SLC30A6: variants seen among roughly 807,000 people sequenced by gnomAD.
The protein encoded by SLC30A6 is solute carrier family 30 member 6.
A neutral mutation model predicts 63.0 loss-of-function variants in SLC30A6; 55 were observed. That is an observed-to-expected ratio of 0.87 (90% CI 0.70 to 1.09). The LOEUF is 1.09. Ranked by LOEUF, SLC30A6 falls within the 50% of genes least tolerant of loss-of-function variation. The pLI, the probability that SLC30A6 is intolerant of heterozygous loss-of-function variation, is 0.00. For synonymous variants in SLC30A6, 224 were observed against 186.1 expected (o/e 1.20, Z -1.66); for missense variants, 587 against 549.2 (o/e 1.07, Z -0.69).
chr2:32,204,992 T>G (rs575921345), intron 11 of SLC30A6, among the ~76,000 whole-genome samples: 2 of 152,118 alleles, frequency 1.3e-5, no homozygotes, highest in East Asian at 3.9e-4. Flanking sequence ...TTAAAAATAT[T>G]TGTAGAGATG....
At chr2:32,200,782 G>A (rs1197635744) in intron 10 of SLC30A6, among the ~76,000 whole-genome samples, 1 of 151,804 alleles carries the variant, frequency 6.6e-6, no homozygotes. Flanking sequence ...CTGTTGTCCT[G>A]TGACCCTGCC....
chr2:32,168,353 A>T (rs1680873327), intron 1 of SLC30A6, among the ~76,000 whole-genome samples: 1 of 150,792 alleles, frequency 6.6e-6, no homozygotes, highest in Non-Finnish European at 1.5e-5. Flanking sequence ...TTAAAATAAA[A>T]TATTGAGAAA....
At chr2:32,178,695 C>G (rs752039604) in intron 4 of SLC30A6, among the ~76,000 whole-genome samples, 1 of 152,062 alleles carries the variant, frequency 6.6e-6, no homozygotes, top group East Asian at 1.9e-4. Context: ...AAAACAACAA[C>G]AACAAACACC....
intron 1 of SLC30A6, 123 bp downstream of exon 1, chr2:32,166,026 C>T (rs746006083): frequency 2.0e-5 from 29 of 1,425,362 alleles, no homozygotes; most frequent in Non-Finnish European, 2.5e-5. Context: ...TGAAGTCGGG[C>T]CCCTTGGCAG....
chr2:32,221,484 A>G lies in SLC30A6; in HGVS notation c.*771A>G, dbSNP rs184318576. The stretch of plus-strand genomic sequence containing the variant: ...ATATTTTCTTTAATGAAATTTATAA[A>G]TATGCTTCTTGAATAATACACATTT... On this transcript the variant is annotated 3_prime_UTR_variant, in exon 14 of 14. Transcript: ENST00000282587. 1.3e-4 allele frequency: 20 copies of G among 152,292 alleles called. No homozygotes were observed. The highest frequency in any genetic ancestry group is 4.8e-4 in the African/African-American group (20 of 41,558). 9.4% of individuals were successfully genotyped at this position (152,292 alleles called of 1,614,324 possible).
intron 4 of SLC30A6, among the ~76,000 whole-genome samples, chr2:32,178,186 A>G (rs1467579268): frequency 6.7e-6 from 1 of 150,198 alleles, no homozygotes; most frequent in Non-Finnish European, 1.5e-5. Context: ...TGACCTTGTG[A>G]TCCGCCCGCC....
At chr2:32,174,474 T>A (rs1681531249) in intron 3 of SLC30A6, among the ~76,000 whole-genome samples, 1 of 151,696 alleles carries the variant, frequency 6.6e-6, no homozygotes, top group Non-Finnish European at 1.5e-5. Context: ...ATTACAGGCG[T>A]AAGCCACAAT....
chr2:32,176,427 G>A (rs1681745183), intron 4 of SLC30A6, among the ~76,000 whole-genome samples: 1 of 152,060 alleles, frequency 6.6e-6, no homozygotes, highest in African/African-American at 2.4e-5. Flanking sequence ...GGGAAGCTGA[G>A]GAGGGTGGAT....
intron 5 of SLC30A6, among the ~76,000 whole-genome samples, chr2:32,188,758 A>C (rs1002981198): frequency 6.6e-6 from 1 of 152,188 alleles, no homozygotes; most frequent in South Asian, 2.1e-4. Flanking sequence ...AATTTGATGA[A>C]TTTTAAGAAA....
chr2:32,187,503 A>G (rs953131794), intron 5 of SLC30A6, among the ~76,000 whole-genome samples: 1 of 152,206 alleles, frequency 6.6e-6, no homozygotes. Flanking sequence ...TGAACAGGAA[A>G]GAAAGGAGCA....
Position 32,165,907 on chromosome 2 carries a change from A to C in SLC30A6, c.3+4A>C, listed in dbSNP as rs1440256707. On this transcript the variant is annotated splice_donor_region_variant and intron_variant, in intron 1 of 13. Transcript: ENST00000282587. Reference sequence around the variant, plus strand: ...AGCTGTGCAGCTCCTTATCATGGTGAGTTGGCTGTTGGGGTGAGGGTTTCG... The same window carrying C: ...AGCTGTGCAGCTCCTTATCATGGTGCGTTGGCTGTTGGGGTGAGGGTTTCG... The C allele has an allele frequency of 1.9e-6, 3 of 1,614,080 alleles. No homozygotes were observed. Among genetic ancestry groups the C allele is most frequent in the Non-Finnish European group, 2.5e-6 (3 of 1,179,980 alleles).
At chr2:32,195,142 C>G (rs1335849573) in intron 8 of SLC30A6, among the ~76,000 whole-genome samples, 2 of 149,806 alleles carry the variant, frequency 1.3e-5, no homozygotes, top group South Asian at 2.1e-4. Flanking sequence ...CTCTCTTGCC[C>G]AGGCTGGAGT....
chr2:32,197,506 G>T (rs1683901023), intron 9 of SLC30A6, 114 bp downstream of exon 9: 3 of 1,246,154 alleles, frequency 2.4e-6, no homozygotes, highest in Admixed American at 4.0e-5. Context: ...AATCACACAG[G>T]TCAGATTGTT....
Position 32,193,901 on chromosome 2 carries a change from A to G in SLC30A6, c.414A>G (p.Leu138=). The change falls in exon 8 of 14, where the codon TTA becomes TTG. Residue 138 remains leucine, a synonymous_variant. Transcript: ENST00000282587. ...EQPEIHTGRL[L]VGTFVALCFN... is the part of the protein sequence containing the mutation. ...TTGTTCTTTTTAGGGGAAGATTATT[A>G]GTTGGTACTTTTGTGGCTCTTTGTT... 1 of 1,612,916 alleles carries G rather than the reference A, an allele frequency of 6.2e-7. No homozygotes were observed. Among genetic ancestry groups the G allele is most frequent in the Non-Finnish European group, 8.5e-7 (1 of 1,179,186 alleles).
At chr2:32,171,534 G>A (rs1681212639) in intron 2 of SLC30A6, among the ~76,000 whole-genome samples, 161 bp downstream of exon 2, 1 of 152,220 alleles carries the variant, frequency 6.6e-6, no homozygotes, top group East Asian at 1.9e-4. Context: ...AATTGCAGTT[G>A]TTTGGTGTTA....
rs1350453314 is a variant in SLC30A6 at position 32,203,743 on chromosome 2, C to T, written c.666-847C>T. Reference sequence around the variant, plus strand: ...GTCAGAAAGGTTACAGGCAGAGTGGCATGATTCCGACTGGATATTCTCAGT... The same window carrying T: ...GTCAGAAAGGTTACAGGCAGAGTGGTATGATTCCGACTGGATATTCTCAGT... On this transcript the variant is annotated intron_variant, in intron 10 of 13. Transcript: ENST00000282587. 2.2e-5 allele frequency: 34 copies of T among 1,519,252 alleles called. No homozygotes were observed. In the East Asian group the frequency reaches 6.3e-4, roughly 28 times the overall value. 94.1% of individuals were successfully genotyped at this position (1,519,252 alleles called of 1,614,324 possible). A position where few individuals can be genotyped will look rare whatever the true frequency, so the allele number is the denominator to read the frequency against.
intron 4 of SLC30A6, among the ~76,000 whole-genome samples, chr2:32,176,137 AAAAAG>A (rs1681717142): frequency 6.6e-6 from 1 of 152,158 alleles, no homozygotes; most frequent in Non-Finnish European, 1.5e-5. Context: ...AAAGACCAAG[AAAAAG>A]AAAAGGAAGA....
chr2:32,184,191 A>T (rs1682601983), intron 4 of SLC30A6, 82 bp from the exon 5 acceptor site: 2 of 614,840 alleles, frequency 3.3e-6, no homozygotes, highest in Non-Finnish European at 5.3e-6. Flanking sequence ...ACTTTCAACC[A>T]CTTAGGAATT....
intron 10 of SLC30A6, chr2:32,203,229 G>C: frequency 9.6e-7 from 1 of 1,038,678 alleles, no homozygotes; most frequent in South Asian, 1.3e-5. Flanking sequence ...CATCGTTCTG[G>C]ACGCACAGGT....
Sources: gnomAD v4.1 joint callset for allele counts (sites outside exome capture counted in the v4.1 genomes callset) on GRCh38, gnomAD v4.1.1 for gene constraint, MANE v1.5 for transcripts, NCBI Gene and HGNC (gene_info 2026-07-23, HGNC 2026-07-21) for gene names.